ZNRF3: variants seen among roughly 807,000 people sequenced by gnomAD.
The protein encoded by ZNRF3 is E3 ubiquitin-protein ligase ZNRF3.
ZNRF3 carries 23 observed loss-of-function variants against 72.5 expected under a neutral mutation model. That is an observed-to-expected ratio of 0.32 (90% CI 0.23 to 0.45). The LOEUF is 0.45. Ranked by LOEUF, ZNRF3 falls within the 20% of genes least tolerant of loss-of-function variation. ZNRF3 has a pLI of 1.00. For synonymous variants in ZNRF3, 610 were observed against 545.3 expected (o/e 1.12, Z -1.65); for missense variants, 1,169 against 1,272.1 (o/e 0.92, Z 1.23).
intron 2 of ZNRF3, among the ~76,000 whole-genome samples, chr22:29,032,936 G>A (rs1034782444): frequency 1.3e-5 from 2 of 152,242 alleles, no homozygotes; most frequent in Non-Finnish European, 2.9e-5. Context: ...TACCTGAACA[G>A]AGAGAGAAGC....
At chr22:28,955,302 C>T (rs1311355043) in intron 1 of ZNRF3, among the ~76,000 whole-genome samples, 3 of 152,140 alleles carry the variant, frequency 2.0e-5, no homozygotes, top group Admixed American at 6.5e-5. Context: ...CTTCACCAGC[C>T]TTCCAAAATG....
At chr22:29,027,874 G>A (rs1029421860) in intron 2 of ZNRF3, among the ~76,000 whole-genome samples, 1 of 152,124 alleles carries the variant, frequency 6.6e-6, no homozygotes, top group African/African-American at 2.4e-5. Flanking sequence ...CTATAGCAGT[G>A]CTAAAAAGAG....
intron 1 of ZNRF3, among the ~76,000 whole-genome samples, chr22:28,971,574 A>G (rs1371780931): frequency 3.3e-5 from 5 of 152,228 alleles, no homozygotes; most frequent in Admixed American, 1.3e-4. Flanking sequence ...GTGTTTATTA[A>G]GGACATCGAC....
Position 29,044,134 on chromosome 22 carries a change from G to A in ZNRF3, c.634-646G>A, listed in dbSNP as rs112281341. 2.4e-4 allele frequency among the ~76,000 whole-genome samples: 36 copies of A among 152,260 alleles called. 2 individuals are homozygous for A. The highest frequency in any genetic ancestry group is 7.7e-4 in the African/African-American group (32 of 41,552). On this transcript the variant is annotated intron_variant, in intron 4 of 8. Transcript: ENST00000544604. Reference sequence around the variant, plus strand: ...ATTCTTTCCCATACACAACATAGCCGGTTACATGCAGCTTCCACTTTGCAA... The same window carrying A: ...ATTCTTTCCCATACACAACATAGCCAGTTACATGCAGCTTCCACTTTGCAA...
intron 1 of ZNRF3, among the ~76,000 whole-genome samples, chr22:28,894,471 G>C (rs1431818502): frequency 6.6e-6 from 1 of 151,874 alleles, no homozygotes; most frequent in Non-Finnish European, 1.5e-5. Context: ...GCAGCAGGTT[G>C]CCCTTGTATT....
chr22:28,922,743 G>A (rs1040800336), intron 1 of ZNRF3, among the ~76,000 whole-genome samples: 1 of 152,180 alleles, frequency 6.6e-6, no homozygotes, highest in Admixed American at 6.5e-5. Context: ...GCCCATGTCC[G>A]TTTCCCAGTT....
intron 1 of ZNRF3, among the ~76,000 whole-genome samples, chr22:28,890,117 G>T (rs192401503): frequency 6.6e-6 from 1 of 152,214 alleles, no homozygotes; most frequent in East Asian, 1.9e-4. Flanking sequence ...CTTCCTTTTT[G>T]ATTGTTATTT....
Position 29,044,827 on chromosome 22 carries a change from C to T in ZNRF3, c.681C>T (p.Val227=), listed in dbSNP as rs776588262. 1.2e-6 allele frequency: 2 copies of T among 1,614,124 alleles called. No homozygotes were observed. Among genetic ancestry groups the T allele is most frequent in the Non-Finnish European group, 8.5e-7 (1 of 1,180,026 alleles). Residue 227 remains valine, a synonymous_variant, in exon 5 of 9, where the codon GTC becomes GTT. Coordinates refer to ENST00000544604, the MANE Select transcript of ZNRF3 (RefSeq NM_001206998.2). ...TGGGGATTTTCCTGGCTTTCTTCGT[C>T]GTGGTCTCCTTGGTCTGCCTCATCC... is the stretch of plus-strand genomic sequence containing the variant. ...FDMGIFLAFF[V]VVSLVCLILL...
intron 1 of ZNRF3, among the ~76,000 whole-genome samples, chr22:28,897,081 C>T (rs2034011828): frequency 6.6e-6 from 1 of 152,188 alleles, no homozygotes; most frequent in African/African-American, 2.4e-5. Context: ...CTCACATTCT[C>T]TTTCTTCCCA....
At chr22:29,033,119 G>A (rs1283732162) in intron 2 of ZNRF3, among the ~76,000 whole-genome samples, 2 of 152,206 alleles carry the variant, frequency 1.3e-5, no homozygotes, top group South Asian at 2.1e-4. Context: ...GGAGGCCAAG[G>A]AGGGTGGATC....
At chr22:28,953,466 T>A (rs1167055349) in intron 1 of ZNRF3, among the ~76,000 whole-genome samples, 2 of 152,212 alleles carry the variant, frequency 1.3e-5, no homozygotes, top group East Asian at 3.8e-4. Flanking sequence ...CCCTGAAGTT[T>A]AGGAAAAGAG....
At position 29,050,629 on chromosome 22, in the gene ZNRF3, C is replaced by T. The variant is rs373884912; in HGVS notation, c.2448C>T (p.Pro816=). ...VQYTLTEEPP[P]GCYPGARDLS... is the part of the protein sequence containing the mutation. ...ACACGCTCACCGAGGAACCACCGCCCGGCTGCTACCCCGGGGCCCGGGACC... is the reference window on the plus strand; with the variant it reads ...ACACGCTCACCGAGGAACCACCGCCTGGCTGCTACCCCGGGGCCCGGGACC... Residue 816 remains proline, a synonymous_variant, in exon 8 of 9, where the codon CCC becomes CCT. Coordinates refer to ENST00000544604, the MANE Select transcript of ZNRF3 (RefSeq NM_001206998.2). The T allele has an allele frequency of 3.7e-6, 6 of 1,611,112 alleles. No individual in the cohort carries two copies. The African/African-American group carries it at 8.0e-5, about 22-fold the overall frequency.
In ZNRF3 at chr22:29,049,758, C is replaced by T. The variant is rs780299568; in HGVS notation, c.1577C>T (p.Thr526Met). The change falls in exon 8 of 9, where the codon ACG becomes ATG. Residue 526 changes from threonine (T) to methionine (M), a missense_variant. By Grantham distance (81) the Thr-to-Met change is moderately conservative. This residue lies in a region of ZNRF3 where 783 missense variants were observed against 731.4 expected (regional missense o/e 1.07). Coordinates refer to ENST00000544604, the MANE Select transcript of ZNRF3 (RefSeq NM_001206998.2). The surrounding 1 kb of genome is among the most constrained non-coding windows in gnomAD (Gnocchi z 5.2). ...APPSHLESGS[T>M]SSFSCYHGHR... is the part of the protein sequence containing the mutation. Reference sequence around the variant, plus strand: ...CCCTCCCACCTGGAGAGCGGCAGCACGTCCAGCTTCAGCTGCTATCACGGC... The same window carrying T: ...CCCTCCCACCTGGAGAGCGGCAGCATGTCCAGCTTCAGCTGCTATCACGGC... 43 of 1,594,764 alleles carry T rather than the reference C, an allele frequency of 2.7e-5. No individual in the cohort carries two copies. In the Middle Eastern group the frequency reaches 5.0e-4, roughly 18 times the overall value.
chr22:28,986,960 C>T, intron 1 of ZNRF3, 116 bp from the exon 2 acceptor site: 1 of 1,420,400 alleles, frequency 7.0e-7, no homozygotes, highest in East Asian at 2.4e-5. Context: ...TGTCCCCACT[C>T]TTAAAATTTT....
At chr22:28,913,972 T>C (rs2034365464) in intron 1 of ZNRF3, among the ~76,000 whole-genome samples, 1 of 152,188 alleles carries the variant, frequency 6.6e-6, no homozygotes, top group Non-Finnish European at 1.5e-5. Flanking sequence ...CTGTGTGTAA[T>C]GTACTATGTG....
At chr22:28,886,699 C>T (rs750262166) in intron 1 of ZNRF3, among the ~76,000 whole-genome samples, 4 of 152,218 alleles carry the variant, frequency 2.6e-5, no homozygotes, top group Non-Finnish European at 5.9e-5. Context: ...TGACTGACGC[C>T]TGTAGTCTCA....
At position 28,969,177 on chromosome 22, in the gene ZNRF3, G is replaced by A. The variant is rs966327995; in HGVS notation, c.301-17899G>A. On this transcript the variant is annotated intron_variant, in intron 1 of 8. Coordinates refer to ENST00000544604, the MANE Select transcript of ZNRF3 (RefSeq NM_001206998.2). ...AAGTAAGGACAGTGGCTCCCATCCC[G>A]CCCCACTTGGGCTACTTTTAGTTCC... Among the ~76,000 whole-genome samples, 9 of 152,104 alleles carry A rather than the reference G, an allele frequency of 5.9e-5. No homozygotes were observed. In the East Asian group the frequency reaches 7.7e-4, roughly 13 times the overall value.
At chr22:28,922,532 T>C (rs1194126399) in intron 1 of ZNRF3, among the ~76,000 whole-genome samples, 1 of 152,242 alleles carries the variant, frequency 6.6e-6, no homozygotes, top group Non-Finnish European at 1.5e-5. Context: ...TTAGCCATTA[T>C]GATAATATAT....
intron 1 of ZNRF3, among the ~76,000 whole-genome samples, chr22:28,927,684 C>A (rs777512748): frequency 5.9e-5 from 9 of 152,216 alleles, no homozygotes; most frequent in Non-Finnish European, 1.3e-4. Flanking sequence ...TACAAGCTAA[C>A]CTGATTCTTA....
Sources: allele counts gnomAD v4.1 joint callset (sites outside exome capture counted in the v4.1 genomes callset), GRCh38; gene constraint gnomAD v4.1.1; regional missense constraint gnomAD v4.1.1; non-coding constraint Gnocchi (gnomAD v3.1); transcripts MANE v1.5; gene names NCBI Gene and HGNC (gene_info 2026-07-23, HGNC 2026-07-21).